Variants in ST3GAL3 observed in about 807,000 individuals in gnomAD.
ST3GAL3 encodes ST3 beta-galactoside alpha-2,3-sialyltransferase 3, also known as CMP-N-acetylneuraminate-beta-1,4-galactoside alpha-2,3-sialyltransferase.
ST3GAL3 carries 21 observed loss-of-function variants against 50.1 expected under a neutral mutation model. The ratio of observed to expected loss-of-function variants is 0.42; its 90% CI spans 0.30 to 0.60. ST3GAL3 has a LOEUF of 0.60. ST3GAL3 is among the 20% of genes least tolerant of loss of function. ST3GAL3 has a pLI of 0.19. For missense variants in ST3GAL3, 353 were observed against 489.4 expected, an observed-to-expected ratio of 0.72 and a Z score of 2.63; for synonymous variants, 183 against 190.0, an observed-to-expected ratio of 0.96 and a Z score of 0.30.
intron 5 of ST3GAL3, among the ~76,000 whole-genome samples, chr1:43,857,563 C>A (rs1324304844): frequency 1.3e-5 from 1 of 77,856 alleles, no homozygotes; most frequent in Non-Finnish European, 3.4e-5. Context: ...TCCTTTCCTT[C>A]CTTCTTTCTT....
At chr1:43,790,056 G>C (rs532594358) in intron 2 of ST3GAL3, among the ~76,000 whole-genome samples, 51 of 152,258 alleles carry the variant, frequency 3.3e-4, no homozygotes, top group African/African-American at 1.2e-3. Flanking sequence ...TGGCAGTACA[G>C]AGTACCTGCC....
chr1:43,861,953 G>A (rs901038459), intron 5 of ST3GAL3, among the ~76,000 whole-genome samples: 3 of 152,112 alleles, frequency 2.0e-5, no homozygotes, highest in African/African-American at 7.2e-5. Flanking sequence ...GCTTGAACTC[G>A]GGAGGCGGAG....
chr1:43,814,219 T>G (rs541938617), intron 3 of ST3GAL3, among the ~76,000 whole-genome samples: 29 of 152,278 alleles, frequency 1.9e-4, no homozygotes, highest in Non-Finnish European at 2.8e-4. Context: ...CCACCTGCAT[T>G]TTCCTATGTT....
At chr1:43,883,489 CA>C (rs1181518752) in intron 5 of ST3GAL3, among the ~76,000 whole-genome samples, 1 of 152,240 alleles carries the variant, frequency 6.6e-6, no homozygotes, top group Non-Finnish European at 1.5e-5. Flanking sequence ...AGTGATGATC[CA>C]GCTTGAAATT....
chr1:43,720,787 G>A (rs1026244887), intron 1 of ST3GAL3, among the ~76,000 whole-genome samples: 5 of 152,078 alleles, frequency 3.3e-5, no homozygotes, highest in Non-Finnish European at 7.3e-5. Context: ...CCACTCTTAG[G>A]TATATGCCCA....
At position 43,839,200 on chromosome 1, in the gene ST3GAL3, C is replaced by T. The variant is rs1294951560; in HGVS notation, c.302+889C>T. ...TATATTTGGTTTTTATGCTCCCTTTCTTTTCTAACGTGAGCAGTCTCAGCT... is the reference window on the plus strand; with the variant it reads ...TATATTTGGTTTTTATGCTCCCTTTTTTTTCTAACGTGAGCAGTCTCAGCT... On this transcript the variant is annotated intron_variant, in intron 5 of 11. Coordinates refer to ENST00000347631, the MANE Select transcript of ST3GAL3 (RefSeq NM_006279.5). 2.0e-5 allele frequency: 3 copies of T among 152,530 alleles called. No individual in the cohort carries two copies. The East Asian group carries it at 5.8e-4, about 29-fold the overall frequency. The allele number at this position is 152,530 out of a possible 1,614,324, so 9.4% of individuals were successfully genotyped here.
At chr1:43,728,594 A>C (rs1416877860) in intron 1 of ST3GAL3, among the ~76,000 whole-genome samples, 1 of 152,136 alleles carries the variant, frequency 6.6e-6, no homozygotes, top group African/African-American at 2.4e-5. Flanking sequence ...AAAGTTAAAA[A>C]AATTTTAGTA....
At chr1:43,715,144 A>G (rs555633138) in intron 1 of ST3GAL3, among the ~76,000 whole-genome samples, 152 of 152,286 alleles carry the variant, frequency 1.0e-3, no homozygotes, top group African/African-American at 2.9e-3. Context: ...AGAATGTAGC[A>G]GTTGTTCTCT....
intron 3 of ST3GAL3, among the ~76,000 whole-genome samples, chr1:43,808,798 C>T (rs2060203509): frequency 6.6e-6 from 1 of 152,124 alleles, no homozygotes; most frequent in African/African-American, 2.4e-5. Context: ...GGAAAACTAC[C>T]AGAATCTGGG....
chr1:43,858,097 T>G (rs2068963887), intron 5 of ST3GAL3: 1 of 1,288,560 alleles, frequency 7.8e-7, no homozygotes. Flanking sequence ...TCAACCTTTC[T>G]GAGCCTCACC....
chr1:43,850,806 G>T, intron 5 of ST3GAL3: 1 of 987,194 alleles, frequency 1.0e-6, no homozygotes, highest in Non-Finnish European at 1.6e-6. Flanking sequence ...TTGCTTCAGG[G>T]CCACAGCAAC....
At chr1:43,917,431 T>C (rs1234417686) in intron 9 of ST3GAL3, among the ~76,000 whole-genome samples, 1 of 111,586 alleles carries the variant, frequency 9.0e-6, no homozygotes, top group Non-Finnish European at 1.7e-5. Context: ...CTCTATACTA[T>C]CTTGCATATA....
chr1:43,884,439 C>T (rs1437023971), intron 5 of ST3GAL3, among the ~76,000 whole-genome samples: 1 of 152,224 alleles, frequency 6.6e-6, no homozygotes, highest in Non-Finnish European at 1.5e-5. Flanking sequence ...AAAGTGTTCG[C>T]ATTACTTGCT....
intron 5 of ST3GAL3, among the ~76,000 whole-genome samples, chr1:43,873,207 A>G (rs2073370492): frequency 1.3e-5 from 2 of 152,234 alleles, no homozygotes; most frequent in Middle Eastern, 3.4e-3. Context: ...TGTGACCTGG[A>G]CCACGGTGGA....
chr1:43,870,166 G>C (rs1217408474), intron 5 of ST3GAL3, among the ~76,000 whole-genome samples: 1 of 152,268 alleles, frequency 6.6e-6, no homozygotes, highest in Non-Finnish European at 1.5e-5. Flanking sequence ...GTCTTCATCT[G>C]TAAATTAGGG....
intron 1 of ST3GAL3, chr1:43,716,389 T>C (rs1285687233): frequency 6.6e-6 from 1 of 152,196 alleles, no homozygotes; most frequent in East Asian, 1.9e-4. Context: ...GGAAAACTTT[T>C]TCGTGGTGCA....
chr1:43,920,191 C>G, intron 9 of ST3GAL3: 1 of 619,280 alleles, frequency 1.6e-6, no homozygotes. Context: ...CACTGGAGCC[C>G]CACCACACGC....
intron 9 of ST3GAL3, chr1:43,912,666 T>C (rs1263900614): frequency 6.6e-6 from 1 of 152,184 alleles, no homozygotes; most frequent in African/African-American, 2.4e-5. Context: ...AAGCCTACCA[T>C]GGTTAATCTC....
At chr1:43,806,988 G>C (rs1461277029) in intron 3 of ST3GAL3, among the ~76,000 whole-genome samples, 1 of 152,188 alleles carries the variant, frequency 6.6e-6, no homozygotes, top group Admixed American at 6.5e-5. Context: ...ACTGTGCCCG[G>C]TAGGGAAAAT....
Sources: allele counts gnomAD v4.1 joint callset (sites outside exome capture counted in the v4.1 genomes callset), GRCh38; gene constraint gnomAD v4.1.1; transcripts MANE v1.5; gene names NCBI Gene and HGNC (gene_info 2026-07-23, HGNC 2026-07-21).